TKTL1: variants seen among roughly 807,000 people sequenced by gnomAD.
TKTL1 encodes transketolase-like protein 1.
TKTL1 carries 1 observed loss-of-function variant against 39.3 expected under a neutral mutation model. That is an observed-to-expected ratio of 0.03 (90% CI 0.01 to 0.12). The LOEUF (loss-of-function observed/expected upper bound fraction) is 0.12. Among genes scored for constraint, TKTL1 ranks in the 10% least tolerant of loss-of-function variants. The pLI is 1.00. For missense variants in TKTL1, 575 were observed against 509.6 expected (o/e 1.13, Z -1.24); for synonymous variants, 262 against 193.8 (o/e 1.35, Z -2.92).
At chrX:154,297,822 A>C (rs1007052822) in intron 1 of TKTL1, among the ~76,000 whole-genome samples, 2 of 111,558 alleles carry the variant, frequency 1.8e-5, no homozygotes, top group Non-Finnish European at 1.9e-5. Context: ...CTGTAGTCCC[A>C]GCTACGCGGG....
At position 154,305,349 on chromosome X, in the gene TKTL1, G is replaced by A; in HGVS notation, c.180G>A (p.Leu60=). Residue 60 remains leucine, a synonymous_variant, in exon 2 of 13, where the codon CTG becomes CTA. Transcript: ENST00000369915. The part of the protein sequence containing the change: ...CSSSSEIMSV[L]FFYIMRYKQS... ...GTTCTTCTGAGATCATGTCTGTGCT[G>A]TTCTTCTACATCATGAGGTACAAGC... is the stretch of plus-strand genomic sequence containing the variant. The A allele has an allele frequency of 8.3e-7, 1 of 1,210,524 alleles. No homozygotes were observed. Among genetic ancestry groups the A allele is most frequent in the Non-Finnish European group, 1.1e-6 (1 of 894,693 alleles).
At chrX:154,323,649 G>A (rs1252127632) in intron 9 of TKTL1, among the ~76,000 whole-genome samples, 2 of 112,027 alleles carry the variant, frequency 1.8e-5, no homozygotes, top group Non-Finnish European at 3.8e-5. Context: ...TTAAGAAGCC[G>A]CAGGAGCAAG....
chrX:154,312,876 A>C (rs1360421371), intron 6 of TKTL1, 103 bp downstream of exon 6: 1 of 782,855 alleles, frequency 1.3e-6, no homozygotes, highest in African/African-American at 2.1e-5. Flanking sequence ...TCTGGTCTCC[A>C]TGGACGAACC....
rs782645551 is a variant in TKTL1, at chrX:154,312,308, A to G, written c.671-272A>G. Among the ~76,000 whole-genome samples the G allele has an allele frequency of 6.3e-5, 7 of 111,726 alleles. No homozygotes were observed. The East Asian group carries it at 1.7e-3, about 27-fold the overall frequency. On this transcript the variant is annotated intron_variant, in intron 5 of 12. Transcript: ENST00000369915. ...GCGGGAGGATCACTCGAGCCCGAGG[A>G]GTTGGAAGCTGTGGTGAGTTATGAT...
At chrX:154,310,452 A>C in intron 3 of TKTL1, among the ~76,000 whole-genome samples, 2 of 112,633 alleles carry the variant, frequency 1.8e-5, no homozygotes, top group Middle Eastern at 4.6e-3. Flanking sequence ...CAAAAAAATT[A>C]GAAGGTGGCA....
chrX:154,317,877 G>A, intron 7 of TKTL1, among the ~76,000 whole-genome samples: 1 of 110,449 alleles, frequency 9.1e-6, no homozygotes, highest in South Asian at 3.9e-4. Context: ...GTGGACTGGA[G>A]GGCACCATCA....
Position 154,327,903 on chromosome X carries a change from C to T in TKTL1, c.1563C>T (p.Ser521=). ...CTCTGGATGTCGCCACCATCGTCTC[C>T]AGTGCAAAAGCCACAGAGGGCCGGA... ...IKPLDVATIV[S]SAKATEGRII... Residue 521 remains serine (S), a synonymous_variant, in exon 12 of 13, where the codon TCC becomes TCT. Transcript: ENST00000369915. 1 of 1,211,874 alleles carries T rather than the reference C, an allele frequency of 8.3e-7. No individual in the cohort carries two copies. Among genetic ancestry groups the T allele is most frequent in the Non-Finnish European group, 1.1e-6 (1 of 895,378 alleles).
At chrX:154,328,075 G>A (rs2067506890) in intron 12 of TKTL1, 117 bp downstream of exon 12, 1 of 937,682 alleles carries the variant, frequency 1.1e-6, no homozygotes, top group African/African-American at 1.9e-5. Context: ...GCATGGCTTT[G>A]TTATTTGATG....
At chrX:154,302,886 C>T (rs1470813852) in intron 1 of TKTL1, among the ~76,000 whole-genome samples, 2 of 110,704 alleles carry the variant, frequency 1.8e-5, no homozygotes, top group African/African-American at 6.6e-5. Context: ...CGGGAGTGAC[C>T]CAGCTGCAAG....
intron 1 of TKTL1, among the ~76,000 whole-genome samples, chrX:154,302,882 T>G (rs113723596): frequency 2.7e-5 from 3 of 109,107 alleles, no homozygotes; most frequent in African/African-American, 1.0e-4. Flanking sequence ...GGGACGGGAG[T>G]GACCCAGCTG....
At chrX:154,314,073 A>G (rs974369051) in intron 6 of TKTL1, among the ~76,000 whole-genome samples, 19 of 111,834 alleles carry the variant, frequency 1.7e-4, no homozygotes, top group African/African-American at 5.9e-4. Flanking sequence ...AAAACCTTAA[A>G]TGGATCAATA....
chrX:154,311,280 T>G, intron 5 of TKTL1, 42 bp downstream of exon 5: 1 of 1,206,848 alleles, frequency 8.3e-7, no homozygotes. Context: ...GTTAAAAGCA[T>G]CTGTCCGCTC....
At chrX:154,312,815 A>G (rs782248890) in intron 6 of TKTL1, 42 bp downstream of exon 6, 4 of 1,125,198 alleles carry the variant, frequency 3.6e-6, no homozygotes, top group Admixed American at 4.7e-5. Context: ...AGATACGTCA[A>G]CTGCTTTGTT....
At chrX:154,328,854 G>GA (rs1200371239) in intron 12 of TKTL1, among the ~76,000 whole-genome samples, 3 of 111,629 alleles carry the variant, frequency 2.7e-5, no homozygotes, top group Non-Finnish European at 5.7e-5. Context: ...TGCAGGGGGG[G>GA]ATCCACCAGG....
intron 1 of TKTL1, among the ~76,000 whole-genome samples, chrX:154,296,533 TG>T (rs1473253268): frequency 9.1e-6 from 1 of 110,348 alleles, no homozygotes; most frequent in African/African-American, 3.3e-5. Flanking sequence ...GAGTCGGGCA[TG>T]GGGGCGCACA....
At chrX:154,327,064 T>G (rs893894927) in intron 10 of TKTL1, 1 of 179,444 alleles carries the variant, frequency 5.6e-6, no homozygotes, top group African/African-American at 3.0e-5. Flanking sequence ...CCAGGAACTC[T>G]GTCTTTGCTT....
chrX:154,305,474 T>C, intron 2 of TKTL1, 53 bp downstream of exon 2: 1 of 1,174,464 alleles, frequency 8.5e-7, no homozygotes, highest in African/African-American at 1.7e-5. Flanking sequence ...TTAAGCCCAG[T>C]TTGAACAGCC....
At chrX:154,319,278 G>A (rs1401889396) in intron 7 of TKTL1, among the ~76,000 whole-genome samples, 2 of 112,422 alleles carry the variant, frequency 1.8e-5, no homozygotes, top group Non-Finnish European at 3.8e-5. Context: ...AGAGTTGACA[G>A]TTTCATTAAT....
In TKTL1 at chrX:154,307,102, G is replaced by A. The variant is rs183385871; in HGVS notation, c.252+1681G>A. 3.6e-5 allele frequency among the ~76,000 whole-genome samples: 4 copies of A among 110,814 alleles called. No individual in the cohort carries two copies. The East Asian group carries it at 1.1e-3, about 31-fold the overall frequency. On this transcript the variant is annotated intron_variant, in intron 2 of 12. Coordinates refer to ENST00000369915, the MANE Select transcript of TKTL1 (RefSeq NM_012253.4). The stretch of plus-strand genomic sequence containing the variant: ...GCCTGGGCAACATAGCAAGACCCCA[G>A]TGTCTACAAAAAATACGAAAATTAG...
Sources: gnomAD v4.1 joint callset for allele counts (sites outside exome capture counted in the v4.1 genomes callset) on GRCh38, gnomAD v4.1.1 for gene constraint, MANE v1.5 for transcripts, NCBI Gene and HGNC (gene_info 2026-07-23, HGNC 2026-07-21) for gene names.